The following IQSEC2 variants were observed in gnomAD, a reference collection of about 807,000 sequenced individuals.
IQSEC2 encodes the protein IQ motif and SEC7 domain-containing protein 2.
A neutral mutation model predicts 74.6 loss-of-function variants in IQSEC2; 6 were observed. The ratio of observed to expected loss-of-function variants is 0.08; its 90% confidence interval spans 0.04 to 0.16. IQSEC2 has a LOEUF of 0.16. Ranked by LOEUF, IQSEC2 falls within the 10% of genes least tolerant of loss-of-function variation. IQSEC2 has a pLI of 1.00. For missense variants in IQSEC2, 734 were observed against 1,306.2 expected (o/e 0.56, Z 6.75); for synonymous variants, 494 against 544.5 (o/e 0.91, Z 1.29).
At chrX:53,229,990 AC>A (rs2074057467), downstream of IQSEC2, 1 of 110,163 alleles carries the variant, frequency 9.1e-6, no homozygotes, top group Non-Finnish European at 1.9e-5. Flanking sequence ...GGCTGGGGAG[AC>A]CCGCCTGTCT....
intron 2 of IQSEC2, among the ~76,000 whole-genome samples, chrX:53,276,950 A>C (rs782184619): frequency 1.9e-4 from 21 of 112,109 alleles, no homozygotes; most frequent in Non-Finnish European, 3.2e-4. Flanking sequence ...TCTTCTTTTA[A>C]TACACTGATG....
At chrX:53,284,770 G>A (rs2075009120) in intron 2 of IQSEC2, among the ~76,000 whole-genome samples, 3 of 111,999 alleles carry the variant, frequency 2.7e-5, no homozygotes, top group Admixed American at 1.9e-4. Flanking sequence ...ATGGTGGGGG[G>A]ACAATGGACA....
chrX:53,247,129 C>G lies in IQSEC2; in HGVS notation c.2589G>C (p.Arg863=), dbSNP rs1556862207. ...VERLIEAFSQ[R]YCVCNPALVR... ...CGAGGGCTGGGTTACAGACACAGTA[C>G]CGCTGGCTGCAGGGCAGGAGGGGTC... The change falls in exon 8 of 15, where the codon CGG becomes CGC. Residue 863 remains arginine, a synonymous_variant. Transcript: ENST00000642864. The G allele has an allele frequency of 8.3e-7, 1 of 1,207,740 alleles. No individual in the cohort carries two copies. The highest frequency in any genetic ancestry group is 3.0e-5 in the East Asian group (1 of 33,736).
At chrX:53,266,901 G>T in intron 2 of IQSEC2, 4 of 444,773 alleles carry the variant, frequency 9.0e-6, no homozygotes, top group South Asian at 2.6e-5. Flanking sequence ...GGGGGTGGGT[G>T]GGGGGAAGGA....
intron 6 of IQSEC2, 27 bp from the exon 7 acceptor site, chrX:53,248,263 G>A (rs782162317): frequency 5.8e-6 from 7 of 1,202,337 alleles, no homozygotes; most frequent in Admixed American, 4.4e-5. Flanking sequence ...GAGGTGTGGC[G>A]CTTTCAATTC....
At chrX:53,289,605 C>A (rs1556872608) in intron 2 of IQSEC2, among the ~76,000 whole-genome samples, 1 of 111,297 alleles carries the variant, frequency 9.0e-6, no homozygotes, top group African/African-American at 3.3e-5. Context: ...GGAGCGAATT[C>A]AAAAATTTAC....
At chrX:53,279,376 C>G in intron 2 of IQSEC2, 1 of 407,076 alleles carries the variant, frequency 2.5e-6, no homozygotes, top group Non-Finnish European at 4.3e-6. Flanking sequence ...TAAGGAAGGA[C>G]AAATTAGATA....
chrX:53,237,439 C>T (rs2074151324), intron 12 of IQSEC2: 1 of 113,550 alleles, frequency 8.8e-6, no homozygotes. Context: ...TGTCCGCCGC[C>T]TCGTCTCTGT....
chrX:53,281,694 C>T, intron 2 of IQSEC2: 1 of 513,469 alleles, frequency 1.9e-6, no homozygotes, highest in Non-Finnish European at 3.0e-6. Context: ...CCCTACTCCT[C>T]CAGGAGGGCT....
chrX:53,315,984 AC>A (rs2075366627), intron 1 of IQSEC2, among the ~76,000 whole-genome samples: 1 of 111,889 alleles, frequency 8.9e-6, no homozygotes, highest in South Asian at 3.7e-4. Context: ...AGGTACTCAA[AC>A]AGCAGCCTGG....
chrX:53,255,676 G>A (rs2074454786), intron 3 of IQSEC2, 124 bp downstream of exon 3: 1 of 846,407 alleles, frequency 1.2e-6, no homozygotes, highest in Non-Finnish European at 1.7e-6. Context: ...TCCTGGGCCA[G>A]TCTTCTCCAA....
intron 2 of IQSEC2, among the ~76,000 whole-genome samples, chrX:53,291,048 C>T (rs2075094348): frequency 8.9e-6 from 1 of 112,119 alleles, no homozygotes; most frequent in Non-Finnish European, 1.9e-5. Flanking sequence ...TGTGCCTCTG[C>T]TGCCTGGGCT....
chrX:53,259,022 C>G (rs2074522040), intron 2 of IQSEC2, among the ~76,000 whole-genome samples: 1 of 109,409 alleles, frequency 9.1e-6, no homozygotes, highest in African/African-American at 3.3e-5. Flanking sequence ...GAAACCACAT[C>G]TCTACTAAAA....
chrX:53,294,253 A>C (rs2075128994), intron 1 of IQSEC2, among the ~76,000 whole-genome samples: 1 of 112,651 alleles, frequency 8.9e-6, no homozygotes, highest in African/African-American at 3.2e-5. Flanking sequence ...CCAAGTCATG[A>C]TGCAGCGGGG....
intron 6 of IQSEC2, 39 bp from the exon 7 acceptor site, chrX:53,248,275 T>C: frequency 8.3e-7 from 1 of 1,201,189 alleles, no homozygotes; most frequent in Non-Finnish European, 1.1e-6. Flanking sequence ...TTTCAATTCC[T>C]CTGCAGAAAA....
At chrX:53,309,963 A>G (rs2075305839) in intron 1 of IQSEC2, among the ~76,000 whole-genome samples, 1 of 111,491 alleles carries the variant, frequency 9.0e-6, no homozygotes, top group Non-Finnish European at 1.9e-5. Flanking sequence ...GTCATTGTCC[A>G]TGGGAGATTT....
intron 2 of IQSEC2, among the ~76,000 whole-genome samples, chrX:53,275,728 CTTTT>C (rs1219701474): frequency 1.2e-5 from 1 of 81,705 alleles, no homozygotes. Context: ...TGCCCTCATT[CTTTT>C]TTTTTTTTTT....
intron 2 of IQSEC2, 88 bp downstream of exon 2, chrX:53,291,807 C>A (rs1460935378): frequency 1.1e-6 from 1 of 879,778 alleles, no homozygotes; most frequent in African/African-American, 2.0e-5. Context: ...CCTCCCCTTG[C>A]CCATGGATCC....
chrX:53,297,391 A>G (rs187404666), intron 1 of IQSEC2, among the ~76,000 whole-genome samples: 6 of 110,158 alleles, frequency 5.4e-5, no homozygotes, highest in African/African-American at 1.7e-4. Flanking sequence ...CAGTAACACA[A>G]TCACAGCTCA....
Sources: allele counts gnomAD v4.1 joint callset (sites outside exome capture counted in the v4.1 genomes callset), GRCh38; gene constraint gnomAD v4.1.1; transcripts MANE v1.5; gene names NCBI Gene and HGNC (gene_info 2026-07-23, HGNC 2026-07-21).